The following KDM2A variants were observed in gnomAD, a reference collection of about 807,000 sequenced individuals.
KDM2A encodes the protein lysine-specific demethylase 2A.
KDM2A carries 3 observed loss-of-function variants against 137.3 expected under a neutral mutation model. That is an observed-to-expected ratio of 0.02 (90% CI 0.01 to 0.06). The LOEUF is 0.06. Among genes scored for constraint, KDM2A ranks in the 10% least tolerant of loss-of-function variants. The probability of loss-of-function intolerance (pLI) is 1.00; values close to 1 mark genes in which losing one functional copy is unlikely to be tolerated. For synonymous variants in KDM2A, 512 were observed against 541.5 expected (o/e 0.95, Z 0.76); for missense variants, 738 against 1,510.6 (o/e 0.49, Z 8.48).
chr11:67,137,822 GGTCTCAGCTCT>G (rs1312621281), intron 2 of KDM2A, among the ~76,000 whole-genome samples: 2 of 152,050 alleles, frequency 1.3e-5, no homozygotes, highest in African/African-American at 4.8e-5. Flanking sequence ...TTTGAGAAGG[GGTCTCAGCTCT>G]GTCGCCCAGG....
intron 12 of KDM2A, among the ~76,000 whole-genome samples, chr11:67,235,583 G>A (rs377220456): frequency 2.0e-5 from 3 of 151,708 alleles, no homozygotes; most frequent in Admixed American, 6.6e-5. Flanking sequence ...AATTACAGGC[G>A]TGACACCGCG....
intron 5 of KDM2A, among the ~76,000 whole-genome samples, chr11:67,193,756 G>A (rs545744546): frequency 2.6e-5 from 4 of 152,190 alleles, no homozygotes; most frequent in Non-Finnish European, 5.9e-5. Context: ...AACTACTTGG[G>A]AGGCTGAGGC....
rs759129353 is a variant in KDM2A, at chr11:67,231,620, G to A, written c.1139G>A (p.Arg380Gln). Residue 380 changes from arginine to glutamine, a missense_variant, in exon 12 of 21, where the codon CGA becomes CAA. Physicochemically the swap from Arg to Gln is conservative, Grantham distance 43. Around this residue, in one of 9 missense-constraint regions of KDM2A, gnomAD observed 113 missense variants for 133.5 expected, o/e 0.85. Coordinates refer to ENST00000529006, the MANE Select transcript of KDM2A (RefSeq NM_012308.3). The stretch of plus-strand genomic sequence containing the variant: ...AATGGGGATGAGGAAGCAGTGGATC[G>A]AGAACCCCGACGCTTGAGCAGCAGG... ...SGNGDEEAVD[R>Q]EPRRLSSRRS... The A allele has an allele frequency of 4.5e-5, 72 of 1,611,796 alleles. No homozygotes were observed. The highest frequency in any genetic ancestry group is 5.8e-5 in the Non-Finnish European group (68 of 1,178,880).
intron 2 of KDM2A, among the ~76,000 whole-genome samples, chr11:67,129,785 C>G (rs1439995706): frequency 6.6e-6 from 1 of 150,536 alleles, no homozygotes; most frequent in African/African-American, 2.4e-5. Context: ...GTGGCACATG[C>G]CTGTAATCCC....
At chr11:67,131,963 T>C (rs1855863571) in intron 2 of KDM2A, 1 of 152,182 alleles carries the variant, frequency 6.6e-6, no homozygotes, top group African/African-American at 2.4e-5. Context: ...TTCTTGGGGT[T>C]TTTCTCTGTC....
Position 67,250,285 on chromosome 11 carries a change from G to A in KDM2A, c.2255G>A (p.Ser752Asn). ...GGCCCCAGCGACCACCACAGTGCCAGCCGCGATGAGCGCTTCAAACGGCGG... is the reference window on the plus strand; with the variant it reads ...GGCCCCAGCGACCACCACAGTGCCAACCGCGATGAGCGCTTCAAACGGCGG... Reference protein sequence around the residue: ...GAGPSDHHSASRDERFKRRQL... With the variant: ...GAGPSDHHSANRDERFKRRQL... The change falls in exon 17 of 21, where the codon AGC (serine) becomes AAC (asparagine). Residue 752 changes from serine to asparagine, a missense_variant. This residue lies in a region of KDM2A where 244 missense variants were observed against 324.6 expected (regional missense o/e 0.75). Coordinates refer to ENST00000529006, the MANE Select transcript of KDM2A (RefSeq NM_012308.3). The surrounding 1 kb of genome is among the most constrained non-coding windows in gnomAD (Gnocchi z 7.1). 1.2e-6 allele frequency: 2 copies of A among 1,613,930 alleles called. No individual in the cohort carries two copies. The highest frequency in any genetic ancestry group is 1.7e-6 in the Non-Finnish European group (2 of 1,179,884).
At chr11:67,141,951 T>C (rs1305306813) in intron 2 of KDM2A, among the ~76,000 whole-genome samples, 1 of 152,022 alleles carries the variant, frequency 6.6e-6, no homozygotes, top group Non-Finnish European at 1.5e-5. Context: ...GTTTATTTCA[T>C]GTTATTTAAT....
intron 17 of KDM2A, among the ~76,000 whole-genome samples, chr11:67,251,979 G>T (rs1195106993): frequency 6.6e-6 from 1 of 152,200 alleles, no homozygotes; most frequent in Non-Finnish European, 1.5e-5. Flanking sequence ...TGCCAACCAG[G>T]CTGGGGGGCA....
At chr11:67,212,121 C>T (rs186364124) in intron 6 of KDM2A, among the ~76,000 whole-genome samples, 27 of 151,990 alleles carry the variant, frequency 1.8e-4, no homozygotes, top group African/African-American at 6.5e-4. Context: ...GTGGCAAGAC[C>T]CAGTCTTTTA....
intron 2 of KDM2A, chr11:67,149,301 G>A (rs1856327193): frequency 6.6e-6 from 1 of 152,066 alleles, no homozygotes; most frequent in South Asian, 2.1e-4. Context: ...CATTTCTAAA[G>A]TGCAGGTGGT....
chr11:67,186,906 A>G (rs928030453), intron 5 of KDM2A, among the ~76,000 whole-genome samples: 4 of 152,158 alleles, frequency 2.6e-5, no homozygotes, highest in Admixed American at 6.6e-5. Flanking sequence ...CATTTCTTCC[A>G]CCCCATGAAT....
intron 2 of KDM2A, among the ~76,000 whole-genome samples, chr11:67,159,841 A>G (rs530070337): frequency 3.1e-4 from 47 of 152,310 alleles, no homozygotes; most frequent in African/African-American, 1.0e-3. Flanking sequence ...AGTTTAGGAT[A>G]TGTTCATATC....
At chr11:67,164,818 T>C (rs1201444683) in intron 2 of KDM2A, among the ~76,000 whole-genome samples, 1 of 151,974 alleles carries the variant, frequency 6.6e-6, no homozygotes, top group Admixed American at 6.6e-5. Flanking sequence ...AGGCTGGTCT[T>C]GAACTCCTGA....
At chr11:67,211,341 C>T (rs543322368) in intron 6 of KDM2A, among the ~76,000 whole-genome samples, 7 of 152,052 alleles carry the variant, frequency 4.6e-5, no homozygotes, top group South Asian at 2.1e-4. Context: ...AAGCCAGGTG[C>T]GGTAGCTCAC....
chr11:67,142,123 C>A (rs1856118895), intron 2 of KDM2A, among the ~76,000 whole-genome samples: 2 of 151,850 alleles, frequency 1.3e-5, no homozygotes, highest in Non-Finnish European at 2.9e-5. Flanking sequence ...ACTGCAACCT[C>A]CACTTCCCAG....
At chr11:67,217,437 T>A in intron 8 of KDM2A, 1 of 355,092 alleles carries the variant, frequency 2.8e-6, no homozygotes, top group Non-Finnish European at 5.2e-6. Flanking sequence ...CCAGACAGAG[T>A]GTTTAAGGGA....
rs772227964 is a variant in KDM2A at position 67,246,130 on chromosome 11, T to A, written c.1965+14T>A. 2.5e-6 allele frequency: 4 copies of A among 1,613,420 alleles called. No individual in the cohort carries two copies. The highest frequency in any genetic ancestry group is 3.4e-6 in the Non-Finnish European group (4 of 1,179,640). Reference sequence around the variant, plus strand: ...GGCTGCCTCCAGGTGAGGAGAGCTATGAGGGGTTCCTGAAGTCTCAGCTAA... The same window carrying A: ...GGCTGCCTCCAGGTGAGGAGAGCTAAGAGGGGTTCCTGAAGTCTCAGCTAA... On this transcript the variant is annotated intron_variant, in intron 15 of 20. Coordinates refer to ENST00000529006, the MANE Select transcript of KDM2A (RefSeq NM_012308.3).
intron 5 of KDM2A, among the ~76,000 whole-genome samples, chr11:67,197,517 G>GT (rs989448832): frequency 6.6e-6 from 1 of 152,134 alleles, no homozygotes. Context: ...AAGTCTGGGT[G>GT]TTTTTTTGTT....
chr11:67,179,356 C>T (rs755850347), intron 2 of KDM2A, among the ~76,000 whole-genome samples: 9 of 152,182 alleles, frequency 5.9e-5, no homozygotes, highest in Non-Finnish European at 1.0e-4. Flanking sequence ...TCACTGCAAC[C>T]TCCACCTCCC....
Sources: gnomAD v4.1 joint callset for allele counts (sites outside exome capture counted in the v4.1 genomes callset) on GRCh38, gnomAD v4.1.1 for gene constraint, gnomAD v4.1.1 regional missense constraint, Gnocchi (gnomAD v3.1) non-coding constraint, MANE v1.5 for transcripts, NCBI Gene and HGNC (gene_info 2026-07-23, HGNC 2026-07-21) for gene names.